The following LIPJ variants were observed in gnomAD, a reference collection of about 807,000 sequenced individuals.
The protein encoded by LIPJ is lipase family member J.
Under a neutral mutation model 39.8 loss-of-function variants are expected in LIPJ, and 33 were observed. The observed-to-expected ratio is 0.83, with a 90% confidence interval of 0.63 to 1.11. The LOEUF (loss-of-function observed/expected upper bound fraction) is 1.11, where lower values mean the gene tolerates loss of function less well. LIPJ is among the 50% of genes least tolerant of loss of function. The pLI, the probability that LIPJ is intolerant of heterozygous loss-of-function variation, is 0.00. For missense variants in LIPJ, 422 were observed against 427.9 expected (o/e 0.99, Z 0.12); for synonymous variants, 128 against 139.2 (o/e 0.92, Z 0.57).
chr10:88,591,408 G>C, exon 4 of LIPJ: 1 of 1,604,288 alleles, frequency 6.2e-7, no homozygotes, highest in Non-Finnish European at 8.5e-7. Context: ...GGGCTACCCT[G>C]ATGAAGAATA....
At chr10:88,616,151 G>C in the LIPJ span, among the ~76,000 whole-genome samples, 2 of 152,232 alleles carry the variant, frequency 1.3e-5, no homozygotes, top group Admixed American at 6.5e-5. Flanking sequence ...TGATTAAACA[G>C]CTAATGCATA....
chr10:88,591,418 A>G (rs1407059324), exon 4 of LIPJ: 2 of 1,603,828 alleles, frequency 1.2e-6, no homozygotes, highest in Non-Finnish European at 8.5e-7. Flanking sequence ...GATGAAGAAT[A>G]TGATATTGTA....
At chr10:88,615,639 A>C in the LIPJ span, among the ~76,000 whole-genome samples, 9,412 of 149,158 alleles carry the variant, frequency 0.063, 431 homozygotes, top group Non-Finnish European at 0.097. Context: ...AAAAAAAAAA[A>C]AAAAAAAAAA....
the LIPJ span, among the ~76,000 whole-genome samples, chr10:88,617,088 C>T: frequency 6.6e-6 from 1 of 152,030 alleles, no homozygotes; most frequent in Non-Finnish European, 1.5e-5. Flanking sequence ...AAATTAAAAA[C>T]AAAACAAACA....
chr10:88,601,417 G>A lies in LIPJ; in HGVS notation c.724-1159G>A, dbSNP rs188235775. On this transcript the variant is annotated intron_variant, in intron 8 of 10. Coordinates refer to ENST00000371939, the Ensembl canonical transcript of LIPJ. ...GTGCCCATTTTTTGACTTTAGGGTT[G>A]GCCTTATTTCATTCACTTCTCTTTA... is the stretch of plus-strand genomic sequence containing the variant. Among the ~76,000 whole-genome samples the A allele has an allele frequency of 6.6e-5, 10 of 152,188 alleles. No homozygotes were observed. The East Asian group carries it at 1.9e-3, about 29-fold the overall frequency.
chr10:88,613,403 C>G, the LIPJ span, among the ~76,000 whole-genome samples: 8 of 151,618 alleles, frequency 5.3e-5, no homozygotes, highest in Non-Finnish European at 1.2e-4. Context: ...TTGTAGAGAA[C>G]AGAAGGTAGC....
At chr10:88,593,401 A>G (rs1349393815) in intron 4 of LIPJ, 1 of 151,896 alleles carries the variant, frequency 6.6e-6, no homozygotes, top group African/African-American at 2.4e-5. Flanking sequence ...TATTCTCACC[A>G]TTTTTAAAAG....
upstream of LIPJ, among the ~76,000 whole-genome samples, chr10:88,584,999 C>G (rs1850860831): frequency 6.6e-6 from 1 of 152,038 alleles, no homozygotes; most frequent in Non-Finnish European, 1.5e-5. Flanking sequence ...AAATAGTGTA[C>G]AATTATACAT....
chr10:88,609,056 G>T (rs114616884), downstream of LIPJ, among the ~76,000 whole-genome samples: 902 of 152,298 alleles, frequency 5.9e-3, 12 homozygotes, highest in African/African-American at 0.021. Flanking sequence ...GCTCCCCCCT[G>T]TGGAGTATAC....
chr10:88,593,476 T>C (rs542795068), intron 4 of LIPJ: 8 of 152,040 alleles, frequency 5.3e-5, no homozygotes, highest in African/African-American at 1.9e-4. Context: ...GCTGGCTTTT[T>C]CCCAGCTGGC....
downstream of LIPJ, among the ~76,000 whole-genome samples, chr10:88,609,252 G>T (rs1422693259): frequency 6.6e-6 from 1 of 152,180 alleles, no homozygotes; most frequent in African/African-American, 2.4e-5. Context: ...GCTAGGGAAG[G>T]TAAATAATAA....
downstream of LIPJ, among the ~76,000 whole-genome samples, chr10:88,611,001 A>C (rs539303489): frequency 2.0e-5 from 3 of 152,322 alleles, no homozygotes; most frequent in East Asian, 5.8e-4. Flanking sequence ...GAAGATCCTC[A>C]CAGAACCCAC....
the LIPJ span, among the ~76,000 whole-genome samples, chr10:88,622,351 C>G: frequency 6.6e-6 from 1 of 152,096 alleles, no homozygotes; most frequent in Non-Finnish European, 1.5e-5. Context: ...AGTAAGAACC[C>G]CTGTCTCAAG....
At chr10:88,588,175 A>C (rs535204524) in intron 2 of LIPJ, among the ~76,000 whole-genome samples, 1 of 151,938 alleles carries the variant, frequency 6.6e-6, no homozygotes, top group South Asian at 2.1e-4. Flanking sequence ...TAAATAAACA[A>C]TTTTCTCTTA....
At chr10:88,583,277 A>G, upstream of LIPJ, 1 of 1,566,018 alleles carries the variant, frequency 6.4e-7, no homozygotes, top group South Asian at 1.2e-5. Flanking sequence ...AACCGGCGCT[A>G]GCGCTCTTTG....
intron 2 of LIPJ, 134 bp downstream of exon 2, chr10:88,587,526 T>C (rs1564929531): frequency 6.6e-6 from 1 of 152,150 alleles, no homozygotes. Flanking sequence ...ATTAATGTTA[T>C]TAATATTACA....
At chr10:88,621,443 T>C in the LIPJ span, among the ~76,000 whole-genome samples, 1 of 152,158 alleles carries the variant, frequency 6.6e-6, no homozygotes, top group Non-Finnish European at 1.5e-5. Context: ...TCCATTTATA[T>C]AACATTCTGG....
downstream of LIPJ, among the ~76,000 whole-genome samples, chr10:88,610,052 T>C (rs1851731584): frequency 6.6e-6 from 1 of 152,176 alleles, no homozygotes; most frequent in Admixed American, 6.5e-5. Flanking sequence ...ACAGGAAGTT[T>C]CCTCTGATAA....
chr10:88,583,155 TG>T (rs965599151), upstream of LIPJ: 2 of 1,614,054 alleles, frequency 1.2e-6, no homozygotes, highest in African/African-American at 2.7e-5. Flanking sequence ...ACAAGCTTCC[TG>T]TCATCCCGGC....
Sources: allele counts gnomAD v4.1 joint callset (sites outside exome capture counted in the v4.1 genomes callset), GRCh38; gene constraint gnomAD v4.1.1; transcripts MANE v1.5; gene names NCBI Gene and HGNC (gene_info 2026-07-23, HGNC 2026-07-21).